TUSC3: variants seen among roughly 807,000 people sequenced by gnomAD.
The protein encoded by TUSC3 is tumor suppressor candidate 3.
In TUSC3, 45 loss-of-function variants were observed where a neutral mutation model predicts 44.8. The ratio of observed to expected loss-of-function variants is 1.00; its 90% CI spans 0.79 to 1.29. The LOEUF (loss-of-function observed/expected upper bound fraction) is 1.29, where lower values mean the gene tolerates loss of function less well. Among genes scored for constraint, TUSC3 ranks in the 50% most tolerant of loss-of-function variants. The pLI is 0.00. For missense variants in TUSC3, 519 were observed against 437.9 expected (o/e 1.19, Z -1.65); for synonymous variants, 212 against 152.9 (o/e 1.39, Z -2.85).
chr8:15,450,312 C>A (rs1466241632), intron 1 of TUSC3, among the ~76,000 whole-genome samples: 1 of 152,070 alleles, frequency 6.6e-6, no homozygotes, highest in South Asian at 2.1e-4. Flanking sequence ...AAAACTGCCC[C>A]TTTATACATA....
chr8:15,659,724 T>A lies in TUSC3; in HGVS notation c.567+77T>A, dbSNP rs1463374401. On this transcript the variant is annotated intron_variant, in intron 4 of 10. Coordinates refer to ENST00000503731, the MANE Select transcript of TUSC3 (RefSeq NM_006765.4). The stretch of plus-strand genomic sequence containing the variant: ...ATGGAGCATTTTAATAAGGCCACAG[T>A]AATACTTTTTAATTTCTCTATGGTT... 4 of 1,556,680 alleles carry A rather than the reference T, an allele frequency of 2.6e-6. No individual in the cohort carries two copies. The African/African-American group carries it at 5.4e-5, about 21-fold the overall frequency.
upstream of TUSC3, among the ~76,000 whole-genome samples, chr8:15,537,953 T>G (rs372750935): frequency 6.6e-6 from 1 of 152,072 alleles, no homozygotes; most frequent in Non-Finnish European, 1.5e-5. Flanking sequence ...TGTTTAGGAG[T>G]GTTAAAGCAA....
At chr8:15,851,995 C>T in the TUSC3 span, among the ~76,000 whole-genome samples, 29 of 152,186 alleles carry the variant, frequency 1.9e-4, no homozygotes, top group East Asian at 3.5e-3. Flanking sequence ...TTGTCTCCCG[C>T]CATGTGAGAT....
intron 1 of TUSC3, among the ~76,000 whole-genome samples, chr8:15,549,197 C>T (rs748670708): frequency 5.9e-5 from 9 of 151,728 alleles, no homozygotes; most frequent in South Asian, 2.1e-4. Context: ...TTTTTTGAGA[C>T]GGAGTCTTGC....
At chr8:15,601,034 C>G (rs933343133) in intron 1 of TUSC3, among the ~76,000 whole-genome samples, 8 of 151,476 alleles carry the variant, frequency 5.3e-5, no homozygotes, top group African/African-American at 1.9e-4. Context: ...ACAAGTAATT[C>G]AGAGTGCAAG....
chr8:15,735,793 G>C (rs753143325), intron 7 of TUSC3, among the ~76,000 whole-genome samples: 2 of 152,140 alleles, frequency 1.3e-5, no homozygotes, highest in African/African-American at 2.4e-5. Flanking sequence ...TCTGCCTTCC[G>C]GGTTCACGCC....
At chr8:15,424,546 G>T (rs942440164) in intron 1 of TUSC3, among the ~76,000 whole-genome samples, 5 of 152,280 alleles carry the variant, frequency 3.3e-5, no homozygotes, top group East Asian at 1.9e-4. Context: ...AGCAGACCCA[G>T]AACTACCATC....
chr8:15,453,635 A>G (rs1021694693), intron 1 of TUSC3, among the ~76,000 whole-genome samples: 1 of 98,968 alleles, frequency 1.0e-5, no homozygotes, highest in African/African-American at 2.7e-5. Flanking sequence ...GCCAAGACAC[A>G]GACAAACACA....
chr8:15,632,683 AT>A (rs1805825728), intron 2 of TUSC3, among the ~76,000 whole-genome samples: 1 of 152,168 alleles, frequency 6.6e-6, no homozygotes, highest in Non-Finnish European at 1.5e-5. Context: ...AAATTAAGTG[AT>A]TTCTTCTACA....
At chr8:15,470,497 A>G (rs1217564949) in intron 1 of TUSC3, among the ~76,000 whole-genome samples, 1 of 152,182 alleles carries the variant, frequency 6.6e-6, no homozygotes, top group Non-Finnish European at 1.5e-5. Flanking sequence ...TAACATATGT[A>G]CCATTCTGAT....
At chr8:15,562,628 C>G (rs1372254631) in intron 1 of TUSC3, among the ~76,000 whole-genome samples, 2 of 152,020 alleles carry the variant, frequency 1.3e-5, no homozygotes, top group Non-Finnish European at 2.9e-5. Flanking sequence ...ATCTCTGGGT[C>G]CTCTTCTCAA....
At chr8:15,449,355 T>G (rs1436116283) in intron 1 of TUSC3, among the ~76,000 whole-genome samples, 1 of 152,192 alleles carries the variant, frequency 6.6e-6, no homozygotes, top group Non-Finnish European at 1.5e-5. Context: ...AGCGTGGAGT[T>G]TTTTGACCCT....
At chr8:15,762,058 T>A (rs1271633847) in intron 10 of TUSC3, among the ~76,000 whole-genome samples, 1 of 151,854 alleles carries the variant, frequency 6.6e-6, no homozygotes, top group Non-Finnish European at 1.5e-5. Context: ...ATTTATAATT[T>A]AATATTTATA....
intron 6 of TUSC3, among the ~76,000 whole-genome samples, chr8:15,674,126 G>A (rs1417036760): frequency 5.3e-5 from 8 of 151,826 alleles, no homozygotes; most frequent in East Asian, 1.9e-4. Flanking sequence ...CTGCTATGGC[G>A]ATAACATGTA....
At chr8:15,782,818 A>C in the TUSC3 span, among the ~76,000 whole-genome samples, 1 of 152,326 alleles carries the variant, frequency 6.6e-6, no homozygotes, top group Admixed American at 6.5e-5. Flanking sequence ...TCTAAGAAAC[A>C]AGACCAAGAT....
At position 15,518,431 on chromosome 8, in the gene TUSC3, G is replaced by A. The variant is rs553540322; in HGVS notation, n.189+34948G>A. Among the ~76,000 whole-genome samples, 15 of 152,104 alleles carry A rather than the reference G, an allele frequency of 9.9e-5. 1 individual carries two copies. The South Asian group carries it at 3.1e-3, about 31-fold the overall frequency. On this transcript the variant is annotated intron_variant and non_coding_transcript_variant, in intron 2 of 5. Transcript: ENST00000503191. ...AGGAAAAATAGAAAATGTTATCAAG[G>A]CCTTCTCAAATCTGTATTTCTTCTC...
chr8:15,563,607 A>C (rs1198805232), intron 1 of TUSC3, among the ~76,000 whole-genome samples: 2 of 147,574 alleles, frequency 1.4e-5, no homozygotes, highest in African/African-American at 5.0e-5. Flanking sequence ...AATTGCTTGA[A>C]CCGGGGAGGC....
chr8:15,640,778 G>A (rs763853881), intron 2 of TUSC3, among the ~76,000 whole-genome samples: 15 of 152,208 alleles, frequency 9.9e-5, no homozygotes, highest in Non-Finnish European at 1.9e-4. Context: ...GGGAGATGAT[G>A]GTGAACAAAC....
At chr8:15,783,027 A>G in the TUSC3 span, among the ~76,000 whole-genome samples, 1 of 152,232 alleles carries the variant, frequency 6.6e-6, no homozygotes, top group Admixed American at 6.5e-5. Context: ...TAGGATATAT[A>G]TCAATATACA....
Sources: gnomAD v4.1 joint callset for allele counts (sites outside exome capture counted in the v4.1 genomes callset) on GRCh38, gnomAD v4.1.1 for gene constraint, MANE v1.5 for transcripts, NCBI Gene and HGNC (gene_info 2026-07-23, HGNC 2026-07-21) for gene names.